Variants in NR2C2 observed in about 807,000 individuals in gnomAD.
NR2C2 encodes Nuclear hormone receptor TR4.
NR2C2 carries 6 observed loss-of-function variants against 62.9 expected under a neutral mutation model. That is an observed-to-expected ratio of 0.10 (90% CI 0.05 to 0.19). The LOEUF (loss-of-function observed/expected upper bound fraction) is 0.19. Among genes scored for constraint, NR2C2 ranks in the 10% least tolerant of loss-of-function variants. The probability of loss-of-function intolerance (pLI) is 1.00; values close to 1 mark genes in which losing one functional copy is unlikely to be tolerated. For missense variants in NR2C2, 479 were observed against 762.7 expected, an observed-to-expected ratio of 0.63 and a Z score of 4.38; for synonymous variants, 272 against 273.8, an observed-to-expected ratio of 0.99 and a Z score of 0.07.
chr3:14,948,839 T>A (rs776190430), intron 1 of NR2C2: 19 of 152,344 alleles, frequency 1.2e-4, no homozygotes, highest in Non-Finnish European at 2.5e-4. Flanking sequence ...GCGAATCCCC[T>A]AATGAGGCTC....
intron 1 of NR2C2, among the ~76,000 whole-genome samples, chr3:14,985,942 T>C (rs1426068889): frequency 6.6e-6 from 1 of 152,154 alleles, no homozygotes; most frequent in Non-Finnish European, 1.5e-5. Flanking sequence ...TAAGGGTTTT[T>C]CTTTTTTTTC....
At chr3:15,022,796 C>T (rs112056131) in intron 5 of NR2C2, among the ~76,000 whole-genome samples, 20 of 152,198 alleles carry the variant, frequency 1.3e-4, no homozygotes, top group African/African-American at 2.6e-4. Context: ...CAGGCTGGGG[C>T]GAGTGGTTTG....
chr3:14,953,290 G>T (rs1251558250), intron 1 of NR2C2, among the ~76,000 whole-genome samples: 1 of 152,204 alleles, frequency 6.6e-6, no homozygotes, highest in Non-Finnish European at 1.5e-5. Context: ...TTACCTCAAA[G>T]ATTCTAATCC....
intron 7 of NR2C2, among the ~76,000 whole-genome samples, chr3:15,024,504 A>T (rs969945140): frequency 1.3e-5 from 2 of 152,210 alleles, no homozygotes; most frequent in African/African-American, 2.4e-5. Flanking sequence ...TCTTATACAC[A>T]TTGGCAAACT....
intron 1 of NR2C2, among the ~76,000 whole-genome samples, chr3:14,986,557 C>T (rs565783060): frequency 3.3e-5 from 5 of 152,286 alleles, no homozygotes; most frequent in Admixed American, 3.3e-4. Flanking sequence ...AAAATGATTT[C>T]TTACGGTATG....
chr3:15,022,852 A>G (rs1559298996), intron 5 of NR2C2, among the ~76,000 whole-genome samples: 2 of 152,302 alleles, frequency 1.3e-5, no homozygotes, highest in Non-Finnish European at 2.9e-5. Context: ...ATGAGGCTTC[A>G]TCTCTACAAA....
chr3:14,980,601 A>T (rs2125325945), intron 1 of NR2C2, among the ~76,000 whole-genome samples: 1 of 152,334 alleles, frequency 6.6e-6, no homozygotes, highest in South Asian at 2.1e-4. Flanking sequence ...TAGACCAGAG[A>T]ACTAACAAAA....
chr3:15,028,371 C>G (rs935677537), intron 7 of NR2C2, among the ~76,000 whole-genome samples: 2 of 151,926 alleles, frequency 1.3e-5, no homozygotes, highest in Non-Finnish European at 2.9e-5. Context: ...TGTTTTTGTT[C>G]TGTCATTTTG....
At chr3:14,998,139 A>C (rs946283769) in intron 1 of NR2C2, among the ~76,000 whole-genome samples, 2 of 152,226 alleles carry the variant, frequency 1.3e-5, no homozygotes, top group African/African-American at 4.8e-5. Context: ...CATTACATGG[A>C]TATACCATGT....
intron 1 of NR2C2, among the ~76,000 whole-genome samples, chr3:14,968,860 T>A (rs1324535626): frequency 6.9e-6 from 1 of 145,740 alleles, no homozygotes; most frequent in Non-Finnish European, 1.5e-5. Flanking sequence ...TTGGAAATCA[T>A]CATTCTCAGT....
intron 1 of NR2C2, among the ~76,000 whole-genome samples, chr3:14,989,159 C>T (rs750758474): frequency 6.6e-6 from 1 of 152,166 alleles, no homozygotes; most frequent in Non-Finnish European, 1.5e-5. Flanking sequence ...GCCAGAGAAC[C>T]TAGGTGTTAG....
intron 1 of NR2C2, among the ~76,000 whole-genome samples, chr3:14,957,124 C>A (rs1476854787): frequency 1.3e-5 from 2 of 152,158 alleles, no homozygotes; most frequent in Non-Finnish European, 2.9e-5. Flanking sequence ...AGCCTCAGAA[C>A]CCAATATAGT....
intron 4 of NR2C2, among the ~76,000 whole-genome samples, chr3:15,018,367 G>T (rs1179811768): frequency 1.3e-5 from 2 of 152,072 alleles, no homozygotes; most frequent in East Asian, 1.9e-4. Flanking sequence ...CTGACAAAGG[G>T]TTACTACCCA....
In NR2C2 at chr3:15,034,700, C is replaced by G. The variant is rs1419909287; in HGVS notation, c.1263C>G (p.Ala421=). 6.2e-6 allele frequency: 10 copies of G among 1,614,172 alleles called. No homozygotes were observed. Among genetic ancestry groups the G allele is most frequent in the Non-Finnish European group, 8.5e-6 (10 of 1,180,020 alleles). Residue 421 remains alanine, a synonymous_variant, in exon 11 of 14, where the codon GCC becomes GCG. Coordinates refer to ENST00000425241, the MANE Select transcript of NR2C2 (RefSeq NM_001291694.2). Reference sequence around the variant, plus strand: ...ACTGCAACACCAGCCTTGTGCGGGCCTGCTGGAATGAGCTCTTCACCCTCG... The same window carrying G: ...ACTGCAACACCAGCCTTGTGCGGGCGTGCTGGAATGAGCTCTTCACCCTCG... The part of the protein sequence containing the change: ...GQDCNTSLVR[A]CWNELFTLGL...
At chr3:14,968,887 A>G (rs1356826505) in intron 1 of NR2C2, among the ~76,000 whole-genome samples, 1 of 147,584 alleles carries the variant, frequency 6.8e-6, no homozygotes, top group Non-Finnish European at 1.5e-5. Flanking sequence ...TCGCAAGAAC[A>G]AAAAACCAAA....
chr3:14,954,613 C>T (rs2039470784), intron 1 of NR2C2, among the ~76,000 whole-genome samples: 1 of 151,972 alleles, frequency 6.6e-6, no homozygotes, highest in Non-Finnish European at 1.5e-5. Flanking sequence ...GCCAGACATA[C>T]CAAAAAGTGT....
chr3:14,962,924 G>A (rs1257090838), intron 1 of NR2C2, among the ~76,000 whole-genome samples: 1 of 152,164 alleles, frequency 6.6e-6, no homozygotes, highest in Non-Finnish European at 1.5e-5. Flanking sequence ...TTATATGGGG[G>A]TGAATGAGTC....
intron 1 of NR2C2, among the ~76,000 whole-genome samples, chr3:14,961,166 T>C (rs1471183998): frequency 1.3e-5 from 2 of 152,220 alleles, no homozygotes; most frequent in Non-Finnish European, 2.9e-5. Context: ...TATTTGTCAG[T>C]CACAGTTTCA....
chr3:14,983,409 T>C (rs1318072915), intron 1 of NR2C2, among the ~76,000 whole-genome samples: 1 of 151,962 alleles, frequency 6.6e-6, no homozygotes, highest in Non-Finnish European at 1.5e-5. Context: ...AAACCCATCT[T>C]GTATTCTGCA....
Sources: allele counts gnomAD v4.1 joint callset (sites outside exome capture counted in the v4.1 genomes callset), GRCh38; gene constraint gnomAD v4.1.1; transcripts MANE v1.5; gene names NCBI Gene and HGNC (gene_info 2026-07-23, HGNC 2026-07-21).